The following LGSN variants were observed in gnomAD, a reference collection of about 807,000 sequenced individuals.
The protein encoded by LGSN is lengsin.
Under a neutral mutation model 19.5 loss-of-function variants are expected in LGSN, and 21 were observed. That is an observed-to-expected ratio of 1.07 (90% CI 0.76 to 1.55). LGSN has a LOEUF of 1.55. Among genes scored for constraint, LGSN ranks in the 40% most tolerant of loss-of-function variants. The pLI is 0.00. For synonymous variants in LGSN, 257 were observed against 215.6 expected, an observed-to-expected ratio of 1.19 and a Z score of -1.68; for missense variants, 673 against 608.5, an observed-to-expected ratio of 1.11 and a Z score of -1.12.
At chr6:63,348,349 G>C in the LGSN span, among the ~76,000 whole-genome samples, 1 of 152,112 alleles carries the variant, frequency 6.6e-6, no homozygotes, top group Admixed American at 6.5e-5. Flanking sequence ...AGCTACTCGG[G>C]AGGCTGAGGA....
the LGSN span, among the ~76,000 whole-genome samples, chr6:63,350,903 A>ATTGG: frequency 1.3e-5 from 2 of 152,126 alleles, no homozygotes; most frequent in African/African-American, 4.8e-5. Context: ...AAGTAAAACA[A>ATTGG]TTGGTTTTTT....
At chr6:63,356,964 A>C in the LGSN span, among the ~76,000 whole-genome samples, 4 of 147,062 alleles carry the variant, frequency 2.7e-5, no homozygotes, top group African/African-American at 9.9e-5. Context: ...TATATCTCCT[A>C]ATGCCATCCC....
At chr6:63,283,602 C>T (rs1767405765) in intron 3 of LGSN, among the ~76,000 whole-genome samples, 1 of 145,030 alleles carries the variant, frequency 6.9e-6, no homozygotes, top group Non-Finnish European at 1.5e-5. Context: ...GTTTAGGTTA[C>T]TTTGCACAAA....
the LGSN span, among the ~76,000 whole-genome samples, chr6:63,370,040 A>G: frequency 2.0e-5 from 3 of 152,154 alleles, no homozygotes; most frequent in Non-Finnish European, 4.4e-5. Context: ...GGAGAAGAAG[A>G]AGAAGAAAGA....
the LGSN span, among the ~76,000 whole-genome samples, chr6:63,444,821 T>C: frequency 6.6e-6 from 1 of 152,276 alleles, no homozygotes; most frequent in Admixed American, 6.5e-5. Context: ...GAGCCTTTTT[T>C]CCCAGGCCCA....
chr6:63,455,957 C>A, the LGSN span, among the ~76,000 whole-genome samples: 1 of 151,204 alleles, frequency 6.6e-6, no homozygotes, highest in African/African-American at 2.4e-5. Context: ...GAGCCAGGTG[C>A]AGTGGCTCAC....
At chr6:63,298,267 A>G (rs962392894) in intron 1 of LGSN, among the ~76,000 whole-genome samples, 4 of 152,178 alleles carry the variant, frequency 2.6e-5, no homozygotes, top group Non-Finnish European at 5.9e-5. Context: ...CAGATTATGG[A>G]GATCCCCATG....
the LGSN span, among the ~76,000 whole-genome samples, chr6:63,473,916 C>T: frequency 6.7e-6 from 1 of 148,676 alleles, no homozygotes; most frequent in East Asian, 2.0e-4. Flanking sequence ...AAAACTATAA[C>T]AACCCTTTAG....
At chr6:63,401,048 A>T in the LGSN span, among the ~76,000 whole-genome samples, 1 of 152,178 alleles carries the variant, frequency 6.6e-6, no homozygotes, top group East Asian at 1.9e-4. Flanking sequence ...CATTATTATA[A>T]TATAATTTGA....
chr6:63,504,532 AC>A, the LGSN span, among the ~76,000 whole-genome samples: 9 of 151,960 alleles, frequency 5.9e-5, no homozygotes, highest in Non-Finnish European at 8.8e-5. Context: ...GAGCCACTGC[AC>A]CCAGCCTCAA....
the LGSN span, among the ~76,000 whole-genome samples, chr6:63,434,604 C>CAAAAA: frequency 8.8e-4 from 55 of 62,772 alleles, no homozygotes; most frequent in Non-Finnish European, 1.2e-3. Context: ...ACTAAAAATT[C>CAAAAA]AAAAAAAAAA....
the LGSN span, among the ~76,000 whole-genome samples, chr6:63,431,829 G>T: frequency 6.6e-6 from 1 of 151,958 alleles, no homozygotes; most frequent in South Asian, 2.1e-4. Context: ...CACTTTGGGA[G>T]GCTGAGGCAG....
the LGSN span, among the ~76,000 whole-genome samples, chr6:63,373,802 G>A: frequency 6.6e-6 from 1 of 152,130 alleles, no homozygotes; most frequent in Non-Finnish European, 1.5e-5. Context: ...GCGAAACCCA[G>A]TCTCTACCAA....
intron 1 of LGSN, among the ~76,000 whole-genome samples, chr6:63,306,278 A>G (rs1768381287): frequency 6.6e-6 from 1 of 152,200 alleles, no homozygotes; most frequent in Non-Finnish European, 1.5e-5. Context: ...ATAGGAATTC[A>G]AATCTAAGTA....
the LGSN span, among the ~76,000 whole-genome samples, chr6:63,540,490 G>C: frequency 6.6e-6 from 1 of 151,900 alleles, no homozygotes; most frequent in African/African-American, 2.4e-5. Flanking sequence ...GTGTGGTGGT[G>C]CATGCCTGTA....
At chr6:63,434,604 C>CAAAAAAAAAA in the LGSN span, among the ~76,000 whole-genome samples, 3 of 62,884 alleles carry the variant, frequency 4.8e-5, no homozygotes, top group African/African-American at 9.0e-5. Flanking sequence ...ACTAAAAATT[C>CAAAAAAAAAA]AAAAAAAAAA....
At chr6:63,368,402 C>G in the LGSN span, among the ~76,000 whole-genome samples, 2 of 152,216 alleles carry the variant, frequency 1.3e-5, no homozygotes, top group Non-Finnish European at 1.5e-5. Context: ...AACTTTCTCA[C>G]TCTTGTCCCC....
the LGSN span, among the ~76,000 whole-genome samples, chr6:63,379,463 G>T: frequency 6.6e-6 from 1 of 152,194 alleles, no homozygotes; most frequent in South Asian, 2.1e-4. Flanking sequence ...GGGATGACTT[G>T]CACCTGGGAG....
chr6:63,555,754 C>A, the LGSN span, among the ~76,000 whole-genome samples: 2 of 146,864 alleles, frequency 1.4e-5, no homozygotes, highest in Non-Finnish European at 3.0e-5. Flanking sequence ...AGTGCAATGG[C>A]GTGATCCCGG....
Sources: allele counts gnomAD v4.1 joint callset (sites outside exome capture counted in the v4.1 genomes callset), GRCh38; gene constraint gnomAD v4.1.1; transcripts MANE v1.5; gene names NCBI Gene and HGNC (gene_info 2026-07-23, HGNC 2026-07-21).